The following TMEM65 variants were observed in gnomAD, a reference collection of about 807,000 sequenced individuals.
The protein encoded by TMEM65 is transmembrane protein 65.
TMEM65 carries 22 observed loss-of-function variants against 25.4 expected under a neutral mutation model. That is an observed-to-expected ratio of 0.86 (90% CI 0.62 to 1.23). The LOEUF is 1.23. TMEM65 is among the 50% of genes most tolerant of loss of function. The pLI is 0.00. For synonymous variants in TMEM65, 132 were observed against 126.2 expected (o/e 1.05, Z -0.31); for missense variants, 262 against 308.2 (o/e 0.85, Z 1.12).
At position 124,330,794 on chromosome 8, in the gene TMEM65, T is replaced by C. The variant is rs1341618657; in HGVS notation, c.305-2A>G. ...TGGGTGGTGGAGCTTCCAATTTTTC[T>C]AAAGGGGAGAAAAAGGATGTGGGGC... is the stretch of plus-strand genomic sequence containing the variant. On this transcript the variant is annotated splice_acceptor_variant, in intron 1 of 6. Coordinates refer to ENST00000297632, the MANE Select transcript of TMEM65 (RefSeq NM_194291.3). LOFTEE classifies it high-confidence loss of function. 1.3e-6 allele frequency: 2 copies of C among 1,578,504 alleles called. No homozygotes were observed. Among genetic ancestry groups the C allele is most frequent in the Admixed American group, 3.8e-5 (2 of 52,376 alleles).
intron 1 of TMEM65, among the ~76,000 whole-genome samples, chr8:124,341,562 A>G (rs965284259): frequency 2.0e-5 from 3 of 152,074 alleles, no homozygotes; most frequent in African/African-American, 7.2e-5. Flanking sequence ...GTGTTTTACC[A>G]AAGTAATTTC....
In TMEM65 at chr8:124,360,429, C is replaced by CAAA. The variant is rs55829098; in HGVS notation, c.304+11422_304+11424dup. On this transcript the variant is annotated intron_variant, in intron 1 of 6. Coordinates refer to ENST00000297632, the MANE Select transcript of TMEM65 (RefSeq NM_194291.3). ...TAGGTGACAGAGGGAGACTCTGTCACAAAAAAAAAAAAAAAAAAAAAATCT... is the reference window on the plus strand; with the variant it reads ...TAGGTGACAGAGGGAGACTCTGTCACAAAAAAAAAAAAAAAAAAAAAAAAATCT... Among the ~76,000 whole-genome samples the CAAA allele has an allele frequency of 8.3e-3, 579 of 69,904 alleles. 5 individuals are homozygous for CAAA. Among genetic ancestry groups the CAAA allele is most frequent in the Non-Finnish European group, 0.011 (380 of 34,836 alleles). 45.9% of individuals were successfully genotyped at this position (69,904 alleles called of 152,430 possible).
At chr8:124,349,541 T>A (rs888205557) in intron 1 of TMEM65, among the ~76,000 whole-genome samples, 1 of 152,152 alleles carries the variant, frequency 6.6e-6, no homozygotes, top group Non-Finnish European at 1.5e-5. Flanking sequence ...TGAAGAAATG[T>A]ATTAGAGTGA....
At chr8:124,339,872 G>A (rs1034420000) in intron 1 of TMEM65, among the ~76,000 whole-genome samples, 1 of 150,644 alleles carries the variant, frequency 6.6e-6, no homozygotes, top group Non-Finnish European at 1.5e-5. Context: ...AAAAAAAAAT[G>A]TCCTTAATCT....
chr8:124,330,802 A>T lies in TMEM65; in HGVS notation c.305-10T>A. On this transcript the variant is annotated splice_polypyrimidine_tract_variant and intron_variant, in intron 1 of 6. Transcript: ENST00000297632. ...GGAGCTTCCAATTTTTCTAAAGGGG[A>T]GAAAAAGGATGTGGGGCAAGAATTA... The T allele has an allele frequency of 6.3e-7, 1 of 1,578,888 alleles. No individual in the cohort carries two copies.
At chr8:124,365,580 T>C (rs1222164212) in intron 1 of TMEM65, among the ~76,000 whole-genome samples, 1 of 152,148 alleles carries the variant, frequency 6.6e-6, no homozygotes, top group Non-Finnish European at 1.5e-5. Context: ...TTACATTATA[T>C]GGCAAAAAGA....
chr8:124,346,404 A>G (rs1371944306), intron 1 of TMEM65, among the ~76,000 whole-genome samples: 3 of 152,190 alleles, frequency 2.0e-5, no homozygotes, highest in Non-Finnish European at 2.9e-5. Context: ...AAAATCTGAA[A>G]AAGAAAGAGT....
intron 1 of TMEM65, among the ~76,000 whole-genome samples, chr8:124,337,900 G>GCAAACTCA (rs1159670886): frequency 2.6e-5 from 4 of 151,956 alleles, no homozygotes; most frequent in African/African-American, 9.7e-5. Flanking sequence ...TTAAAAGGAT[G>GCAAACTCA]AGGATATTGA....
intron 2 of TMEM65, among the ~76,000 whole-genome samples, chr8:124,329,169 A>G (rs977120395): frequency 3.3e-5 from 5 of 152,018 alleles, no homozygotes; most frequent in African/African-American, 1.2e-4. Context: ...AAATCAAGTA[A>G]AACATTAATA....
chr8:124,361,117 G>A (rs1416678173), intron 1 of TMEM65, among the ~76,000 whole-genome samples: 3 of 152,112 alleles, frequency 2.0e-5, no homozygotes, highest in Admixed American at 6.5e-5. Flanking sequence ...ACAGGTTTTC[G>A]CTAGACATTA....
At chr8:124,339,264 C>T (rs1814557429) in intron 1 of TMEM65, among the ~76,000 whole-genome samples, 1 of 101,994 alleles carries the variant, frequency 9.8e-6, no homozygotes. Flanking sequence ...ATTCTTGCAA[C>T]AAGTAGCTGA....
At chr8:124,367,257 T>G (rs1035107730) in intron 1 of TMEM65, among the ~76,000 whole-genome samples, 1 of 152,172 alleles carries the variant, frequency 6.6e-6, no homozygotes, top group Non-Finnish European at 1.5e-5. Context: ...GTGGATCACC[T>G]GAGGTCAGGA....
Position 124,308,539 on chromosome 8 carries a change from G to C in TMEM65, c.*5421C>G, listed in dbSNP as rs1358557346. 1 of 152,138 alleles carries C rather than the reference G, an allele frequency of 6.6e-6. No individual in the cohort carries two copies. The highest frequency in any genetic ancestry group is 1.5e-5 in the Non-Finnish European group (1 of 68,020). The allele number at this position is 152,138 out of a possible 1,614,324, so 9.4% of individuals were successfully genotyped here. On this transcript the variant is annotated 3_prime_UTR_variant, in exon 7 of 7. Transcript: ENST00000297632. ...GTGTGACTTCGCAGAATTTACAACAGAGCCAATCAAGAAAATCATGAAAGA... is the reference window on the plus strand; with the variant it reads ...GTGTGACTTCGCAGAATTTACAACACAGCCAATCAAGAAAATCATGAAAGA...
chr8:124,342,148 CAT>C (rs1814590108), intron 1 of TMEM65, among the ~76,000 whole-genome samples: 2 of 152,158 alleles, frequency 1.3e-5, no homozygotes, highest in Non-Finnish European at 2.9e-5. Flanking sequence ...TCAACTGTAT[CAT>C]CACTGTAATG....
intron 1 of TMEM65, among the ~76,000 whole-genome samples, chr8:124,370,632 C>T (rs1005059231): frequency 3.9e-5 from 6 of 152,232 alleles, no homozygotes; most frequent in Admixed American, 6.5e-5. Flanking sequence ...ATTTCCTGAA[C>T]TGAGGGGGAA....
rs897636311 is a variant in TMEM65 at position 124,309,750 on chromosome 8, T to G, written c.*4210A>C. On this transcript the variant is annotated 3_prime_UTR_variant, in exon 7 of 7. Coordinates refer to ENST00000297632, the MANE Select transcript of TMEM65 (RefSeq NM_194291.3). ...ACTTACCACCATCTGACATAAACAA[T>G]ATTTAAGTGTATATTTGCAGGTGGG... 1 of 152,216 alleles carries G rather than the reference T, an allele frequency of 6.6e-6. No homozygotes were observed. Among genetic ancestry groups the G allele is most frequent in the African/African-American group, 2.4e-5 (1 of 41,436 alleles). 9.4% of individuals were successfully genotyped at this position (152,216 alleles called of 1,614,324 possible). A position where few individuals can be genotyped will look rare whatever the true frequency, so the allele number is the denominator to read the frequency against.
At chr8:124,314,442 A>T (rs532642602) in intron 6 of TMEM65, among the ~76,000 whole-genome samples, 7 of 152,318 alleles carry the variant, frequency 4.6e-5, no homozygotes, top group Admixed American at 1.3e-4. Flanking sequence ...AAGCATTTCC[A>T]TGTATATTTC....
rs1234982201 is a variant in TMEM65 at position 124,309,474 on chromosome 8, T to C, written c.*4486A>G. ...ATCTTAATATTTAACTGTTACTCTTTAGGCTTAATGCAGTTATTAGTAATA... is the reference window on the plus strand; with the variant it reads ...ATCTTAATATTTAACTGTTACTCTTCAGGCTTAATGCAGTTATTAGTAATA... On this transcript the variant is annotated 3_prime_UTR_variant, in exon 7 of 7. Coordinates refer to ENST00000297632, the MANE Select transcript of TMEM65 (RefSeq NM_194291.3). 1.3e-5 allele frequency: 2 copies of C among 152,252 alleles called. No individual in the cohort carries two copies. The highest frequency in any genetic ancestry group is 2.9e-5 in the Non-Finnish European group (2 of 68,044). 9.4% of individuals were successfully genotyped at this position (152,252 alleles called of 1,614,324 possible).
intron 1 of TMEM65, among the ~76,000 whole-genome samples, chr8:124,331,575 T>C (rs529899316): frequency 7.8e-4 from 118 of 151,706 alleles, no homozygotes; most frequent in Middle Eastern, 6.8e-3. Context: ...CGTGTCAACA[T>C]TATACCTAAA....
Sources: allele counts gnomAD v4.1 joint callset (sites outside exome capture counted in the v4.1 genomes callset), GRCh38; gene constraint gnomAD v4.1.1; transcripts MANE v1.5; gene names NCBI Gene and HGNC (gene_info 2026-07-23, HGNC 2026-07-21).